FAP: variants seen among roughly 807,000 people sequenced by gnomAD.
The protein encoded by FAP is prolyl endopeptidase FAP.
A neutral mutation model predicts 126.5 loss-of-function variants in FAP; 110 were observed. The ratio of observed to expected loss-of-function variants is 0.87; its 90% CI spans 0.74 to 1.02. FAP has a LOEUF of 1.02. Among genes scored for constraint, FAP ranks in the 50% least tolerant of loss-of-function variants. The pLI, the probability that FAP is intolerant of heterozygous loss-of-function variation, is 0.00. For synonymous variants in FAP, 334 were observed against 297.3 expected, an observed-to-expected ratio of 1.12 and a Z score of -1.27; for missense variants, 919 against 909.2, an observed-to-expected ratio of 1.01 and a Z score of -0.14.
intron 23 of FAP, among the ~76,000 whole-genome samples, chr2:162,173,489 G>A (rs530637806): frequency 6.6e-6 from 1 of 151,882 alleles, no homozygotes; most frequent in African/African-American, 2.4e-5. Context: ...CTGTGTAGGG[G>A]TTGGGGGTGG....
chr2:162,227,400 A>C (rs953623929), intron 2 of FAP, among the ~76,000 whole-genome samples: 1 of 152,166 alleles, frequency 6.6e-6, no homozygotes, highest in Non-Finnish European at 1.5e-5. Context: ...TCTTATTCTC[A>C]GAACAAACAT....
intron 25 of FAP, chr2:162,172,550 T>C (rs1455152401): frequency 7.9e-6 from 3 of 381,142 alleles, no homozygotes; most frequent in African/African-American, 4.0e-5. Context: ...TACTGGATGT[T>C]TGAACTAGAA....
intron 11 of FAP, among the ~76,000 whole-genome samples, chr2:162,211,455 G>A (rs1031576482): frequency 2.0e-5 from 3 of 152,034 alleles, no homozygotes; most frequent in African/African-American, 7.2e-5. Context: ...ACATTAACTT[G>A]GAGAATAATA....
chr2:162,178,556 T>TAAA (rs1687570151), intron 21 of FAP, among the ~76,000 whole-genome samples: 1 of 152,188 alleles, frequency 6.6e-6, no homozygotes, highest in African/African-American at 2.4e-5. Context: ...ACCACTGCCA[T>TAAA]AAACTGATAC....
chr2:162,200,737 G>T, intron 14 of FAP, 118 bp from the exon 15 acceptor site: 2 of 524,562 alleles, frequency 3.8e-6, no homozygotes, highest in Non-Finnish European at 6.8e-6. Context: ...ACAATTAATT[G>T]GTGCTTAAGT....
intron 6 of FAP, among the ~76,000 whole-genome samples, chr2:162,220,733 T>G (rs1689353979): frequency 6.6e-6 from 1 of 152,216 alleles, no homozygotes; most frequent in Non-Finnish European, 1.5e-5. Flanking sequence ...ACTTGCATTG[T>G]GGAGCTTTTG....
intron 7 of FAP, among the ~76,000 whole-genome samples, 154 bp downstream of exon 7, chr2:162,219,699 T>C (rs1689303635): frequency 6.6e-6 from 1 of 152,100 alleles, no homozygotes; most frequent in African/African-American, 2.4e-5. Flanking sequence ...CTCAGATGGG[T>C]TTCAATTTAT....
intron 2 of FAP, among the ~76,000 whole-genome samples, chr2:162,241,677 G>GCTGAA (rs1690353870): frequency 6.6e-6 from 1 of 152,150 alleles, no homozygotes; most frequent in Non-Finnish European, 1.5e-5. Context: ...GCTGGTATGA[G>GCTGAA]GGAAATGTGG....
chr2:162,208,279 T>G (rs1688789734), intron 12 of FAP, among the ~76,000 whole-genome samples: 1 of 151,774 alleles, frequency 6.6e-6, no homozygotes, highest in East Asian at 2.0e-4. Flanking sequence ...GGTCTAAAGC[T>G]TTGCAGGCAA....
chr2:162,226,467 A>G, intron 3 of FAP, 56 bp downstream of exon 3: 1 of 920,206 alleles, frequency 1.1e-6, no homozygotes, highest in Non-Finnish European at 1.7e-6. Flanking sequence ...TGGCACTAAA[A>G]TAAAAACCAA....
intron 15 of FAP, among the ~76,000 whole-genome samples, chr2:162,199,876 G>A (rs80088189): frequency 0.017 from 2,580 of 152,244 alleles, 29 homozygotes; most frequent in South Asian, 0.023. Flanking sequence ...GTCCCTATTC[G>A]GGTGGAACTT....
intron 20 of FAP, among the ~76,000 whole-genome samples, chr2:162,186,567 G>T (rs1687874220): frequency 6.6e-6 from 1 of 152,050 alleles, no homozygotes; most frequent in South Asian, 2.1e-4. Context: ...TGTTGTTACT[G>T]GTGGGTTGCG....
At chr2:162,227,559 C>A (rs146382776) in intron 2 of FAP, among the ~76,000 whole-genome samples, 67 of 152,212 alleles carry the variant, frequency 4.4e-4, no homozygotes, top group African/African-American at 1.4e-3. Flanking sequence ...AGATCCTATA[C>A]CTTGAATGCC....
At chr2:162,239,502 TA>T (rs11356064) in intron 2 of FAP, among the ~76,000 whole-genome samples, 5,440 of 146,470 alleles carry the variant, frequency 0.037, 461 homozygotes, top group Admixed American at 0.22. Context: ...TGTTTTTGGT[TA>T]AAAAAAAAAA....
intron 10 of FAP, among the ~76,000 whole-genome samples, chr2:162,214,295 A>C (rs1576176346): frequency 6.6e-6 from 1 of 152,294 alleles, no homozygotes; most frequent in East Asian, 1.9e-4. Context: ...AAATCATTTC[A>C]TATGTGAGTT....
At chr2:162,232,874 T>C (rs1028895368) in intron 2 of FAP, among the ~76,000 whole-genome samples, 1 of 152,224 alleles carries the variant, frequency 6.6e-6, no homozygotes, top group African/African-American at 2.4e-5. Context: ...ACTCTGAAGA[T>C]GAAAGCAAGC....
chr2:162,171,565 C>T (rs375422452), intron 25 of FAP: 12 of 155,224 alleles, frequency 7.7e-5, no homozygotes, highest in African/African-American at 2.9e-4. Flanking sequence ...CATAAACACC[C>T]TTTATAGGAG....
Position 162,243,370 on chromosome 2 carries a change from G to GC in FAP, c.-44dup. 1 of 1,606,006 alleles carries GC rather than the reference G, an allele frequency of 6.2e-7. No homozygotes were observed. Among genetic ancestry groups the GC allele is most frequent in the African/African-American group, 1.3e-5 (1 of 74,466 alleles). Reference sequence around the variant, plus strand: ...AAAGTTAGCTAATTCTGTCTTCAGAGCGTGGGTCACTGGATCTGTGAAAAC... The same window carrying GC: ...AAAGTTAGCTAATTCTGTCTTCAGAGCCGTGGGTCACTGGATCTGTGAAAAC... On this transcript the variant is annotated 5_prime_UTR_variant, in exon 1 of 26. Coordinates refer to ENST00000188790, the MANE Select transcript of FAP (RefSeq NM_004460.5).
rs200048081 is a variant in FAP, at chr2:162,188,219, C to T, written c.1764G>A (p.Val588=). ...CTTCATAAACACCCAGCTTTCGATA[C>T]ACTGCATAGAGGAGTTTGTCACCTT... The part of the protein sequence containing the change: ...AFQGDKLLYA[V]YRKLGVYEVE... The change falls in exon 20 of 26, where the codon GTG becomes GTA. Residue 588 remains valine (V), a synonymous_variant. Coordinates refer to ENST00000188790, the MANE Select transcript of FAP (RefSeq NM_004460.5). The T allele has an allele frequency of 6.3e-5, 102 of 1,613,052 alleles. No homozygotes were observed. Among genetic ancestry groups the T allele is most frequent in the Non-Finnish European group, 8.1e-5 (95 of 1,179,390 alleles).
Sources: allele counts gnomAD v4.1 joint callset (sites outside exome capture counted in the v4.1 genomes callset), GRCh38; gene constraint gnomAD v4.1.1; transcripts MANE v1.5; gene names NCBI Gene and HGNC (gene_info 2026-07-23, HGNC 2026-07-21).